Variants in MPP7 observed in about 807,000 individuals in gnomAD.
The protein encoded by MPP7 is MAGUK p55 scaffold protein 7.
MPP7 carries 60 observed loss-of-function variants against 76.5 expected under a neutral mutation model. The observed-to-expected ratio is 0.78, with a 90% CI of 0.64 to 0.97. The LOEUF is 0.97. MPP7 is among the 50% of genes least tolerant of loss of function. The pLI, the probability that MPP7 is intolerant of heterozygous loss-of-function variation, is 0.00. For missense variants in MPP7, 641 were observed against 694.0 expected (o/e 0.92, Z 0.86); for synonymous variants, 237 against 244.5 (o/e 0.97, Z 0.29).
intron 3 of MPP7, among the ~76,000 whole-genome samples, chr10:28,192,849 C>T (rs749749966): frequency 2.0e-5 from 3 of 152,304 alleles, no homozygotes; most frequent in Admixed American, 1.3e-4. Flanking sequence ...TGAGGGCTGA[C>T]GCTACCCTAC....
intron 11 of MPP7, among the ~76,000 whole-genome samples, chr10:28,117,888 A>G (rs1160867456): frequency 6.6e-6 from 1 of 152,078 alleles, no homozygotes; most frequent in Non-Finnish European, 1.5e-5. Context: ...AAAAACAAAC[A>G]ATGCATCTCT....
At chr10:28,134,996 AC>A (rs1004222203) in intron 5 of MPP7, among the ~76,000 whole-genome samples, 2 of 152,150 alleles carry the variant, frequency 1.3e-5, no homozygotes, top group African/African-American at 4.8e-5. Flanking sequence ...ACCTGAAAAA[AC>A]TAGAAACTAA....
intron 1 of MPP7, among the ~76,000 whole-genome samples, chr10:28,281,659 G>A (rs1840676385): frequency 6.6e-6 from 1 of 152,010 alleles, no homozygotes; most frequent in African/African-American, 2.4e-5. Flanking sequence ...TTTGGTATGT[G>A]CCAGGCACTG....
intron 12 of MPP7, among the ~76,000 whole-genome samples, chr10:28,079,114 T>C (rs1033682165): frequency 3.9e-5 from 6 of 152,178 alleles, no homozygotes; most frequent in African/African-American, 4.8e-5. Context: ...TTATGAGACG[T>C]AGGGTATTTT....
chr10:28,244,674 C>T (rs905888637), intron 1 of MPP7, among the ~76,000 whole-genome samples: 1 of 152,112 alleles, frequency 6.6e-6, no homozygotes, highest in Non-Finnish European at 1.5e-5. Flanking sequence ...CCTTTAAAGA[C>T]TTCAGAAAGG....
intron 1 of MPP7, among the ~76,000 whole-genome samples, chr10:28,292,752 A>C (rs926766197): frequency 1.3e-5 from 2 of 152,238 alleles, no homozygotes; most frequent in South Asian, 4.1e-4. Context: ...AAGTTGTAGC[A>C]ATAAAAATAA....
intron 2 of MPP7, among the ~76,000 whole-genome samples, chr10:28,237,289 A>T (rs959240568): frequency 6.6e-6 from 1 of 152,198 alleles, no homozygotes; most frequent in African/African-American, 2.4e-5. Flanking sequence ...AAGTTAAATC[A>T]TTCATTTTTA....
At chr10:28,238,301 A>T (rs1302730300) in intron 2 of MPP7, among the ~76,000 whole-genome samples, 1 of 152,218 alleles carries the variant, frequency 6.6e-6, no homozygotes, top group Non-Finnish European at 1.5e-5. Context: ...TTAATTTTTT[A>T]AATTAAATGC....
intron 2 of MPP7, among the ~76,000 whole-genome samples, chr10:28,314,309 C>T (rs912629241): frequency 1.3e-5 from 2 of 152,204 alleles, no homozygotes; most frequent in South Asian, 2.1e-4. Flanking sequence ...TGTGCATTTG[C>T]AATCATTGTC....
chr10:28,200,152 G>A (rs528686704), intron 3 of MPP7, among the ~76,000 whole-genome samples: 24 of 152,212 alleles, frequency 1.6e-4, no homozygotes, highest in East Asian at 1.4e-3. Context: ...ACAGTTAAGC[G>A]GTTTGTTCCA....
At chr10:28,260,241 C>T (rs1185136514) in intron 1 of MPP7, among the ~76,000 whole-genome samples, 1 of 152,110 alleles carries the variant, frequency 6.6e-6, no homozygotes, top group African/African-American at 2.4e-5. Flanking sequence ...AAAAAGTATT[C>T]AATCATTTCC....
rs571114055 is a variant in MPP7 at position 28,071,693 on chromosome 10, A to C, written c.1124-1841T>G. Among the ~76,000 whole-genome samples, 29 of 152,322 alleles carry C rather than the reference A, an allele frequency of 1.9e-4. No homozygotes were observed. In the South Asian group the frequency reaches 5.2e-3, roughly 27 times the overall value. The stretch of plus-strand genomic sequence containing the variant: ...AAAGCAATATGTATTTCAATATGTA[A>C]ATTCTTGGCATGACTAGAGCAGAAA... On this transcript the variant is annotated intron_variant, in intron 12 of 16. Coordinates refer to ENST00000683449, the MANE Select transcript of MPP7 (RefSeq NM_001318170.2).
At chr10:28,127,717 G>A (rs191393301) in intron 6 of MPP7, among the ~76,000 whole-genome samples, 123 of 152,320 alleles carry the variant, frequency 8.1e-4, no homozygotes, top group African/African-American at 2.9e-3. Context: ...GGAGCTACAA[G>A]ATGAGGTTTG....
chr10:28,063,890 T>A (rs140061042), intron 13 of MPP7, among the ~76,000 whole-genome samples: 79 of 152,242 alleles, frequency 5.2e-4, no homozygotes, highest in African/African-American at 1.8e-3. Context: ...AAGTATGAGA[T>A]ACCACTACGT....
At chr10:28,154,407 C>T (rs929570342) in intron 3 of MPP7, among the ~76,000 whole-genome samples, 1 of 152,176 alleles carries the variant, frequency 6.6e-6, no homozygotes, top group African/African-American at 2.4e-5. Context: ...GAAATAAAGC[C>T]TTCCCATAGG....
chr10:28,169,861 C>T (rs1396358201), intron 3 of MPP7, among the ~76,000 whole-genome samples: 2 of 152,162 alleles, frequency 1.3e-5, no homozygotes, highest in Non-Finnish European at 2.9e-5. Flanking sequence ...AGAGATAATC[C>T]TATCACCTGT....
intron 2 of MPP7, among the ~76,000 whole-genome samples, chr10:28,237,859 T>C (rs1412434877): frequency 6.6e-6 from 1 of 152,148 alleles, no homozygotes; most frequent in African/African-American, 2.4e-5. Flanking sequence ...ATTTTACACT[T>C]TGAAAAAGTG....
At chr10:28,058,761 T>C (rs1851661832) in intron 14 of MPP7, among the ~76,000 whole-genome samples, 158 bp from the exon 15 acceptor site, 1 of 152,204 alleles carries the variant, frequency 6.6e-6, no homozygotes, top group African/African-American at 2.4e-5. Context: ...AAATGTCAGT[T>C]TTTAAAAAAT....
At chr10:28,120,805 C>CTATTTTTG (rs1195140315) in intron 8 of MPP7, 137 bp from the exon 9 acceptor site, 1 of 570,770 alleles carries the variant, frequency 1.8e-6, no homozygotes, top group African/African-American at 1.9e-5. Flanking sequence ...ACGGAGGAAA[C>CTATTTTTG]TATTTTTGTA....
Sources: allele counts gnomAD v4.1 joint callset (sites outside exome capture counted in the v4.1 genomes callset), GRCh38; gene constraint gnomAD v4.1.1; transcripts MANE v1.5; gene names NCBI Gene and HGNC (gene_info 2026-07-23, HGNC 2026-07-21).